Variants in KLHL5 observed in about 807,000 individuals in gnomAD.
The protein encoded by KLHL5 is kelch like family member 5.
In KLHL5, 48 loss-of-function variants were observed where a neutral mutation model predicts 77.7. That is an observed-to-expected ratio of 0.62 (90% CI 0.49 to 0.79). The LOEUF is 0.79. Ranked by LOEUF, KLHL5 falls within the 30% of genes least tolerant of loss-of-function variation. KLHL5 has a pLI of 0.00. For synonymous variants in KLHL5, 260 were observed against 297.0 expected, an observed-to-expected ratio of 0.88 and a Z score of 1.28; for missense variants, 723 against 859.7, an observed-to-expected ratio of 0.84 and a Z score of 1.99.
At chr4:39,049,743 T>G (rs1439344817) in intron 1 of KLHL5, among the ~76,000 whole-genome samples, 2 of 150,156 alleles carry the variant, frequency 1.3e-5, no homozygotes, top group Admixed American at 1.3e-4. Flanking sequence ...TAAATGAAAG[T>G]GTATAAGGCA....
chr4:39,075,519 T>A (rs938830260), intron 1 of KLHL5, among the ~76,000 whole-genome samples: 3 of 152,192 alleles, frequency 2.0e-5, no homozygotes, highest in Admixed American at 1.3e-4. Flanking sequence ...TAACACTGTT[T>A]TTATGACAAT....
At chr4:39,044,830 C>T (rs1577609348), upstream of KLHL5, 1 of 442,352 alleles carries the variant, frequency 2.3e-6, no homozygotes, top group Non-Finnish European at 3.0e-6. Context: ...ACGGGCTAAC[C>T]GGTCCCCTAC....
chr4:39,114,984 T>C (rs768447933), intron 9 of KLHL5, among the ~76,000 whole-genome samples, 175 bp from the exon 10 acceptor site: 2 of 152,240 alleles, frequency 1.3e-5, no homozygotes, highest in Non-Finnish European at 2.9e-5. Context: ...TCTATTAATA[T>C]AATACTGTAA....
Position 39,126,060 on chromosome 4 carries a change from G to T in KLHL5, c.*4994G>T, listed in dbSNP as rs1021660651. Among the ~76,000 whole-genome samples the T allele has an allele frequency of 1.3e-5, 2 of 152,082 alleles. No individual in the cohort carries two copies. Among genetic ancestry groups the T allele is most frequent in the African/African-American group, 4.8e-5 (2 of 41,412 alleles). ...GGGAGTGAGAAACAACGAGAACCAT[G>T]AGGGGAGAGTTAACGGGGAACTTCC... On this transcript the variant is annotated 3_prime_UTR_variant, in exon 11 of 11. Coordinates refer to ENST00000504108, the MANE Select transcript of KLHL5 (RefSeq NM_015990.5).
chr4:39,070,325 A>T lies in KLHL5; in HGVS notation c.384-5640A>T, dbSNP rs535621703. ...TGGATAGGAAAAAACAATGTCCACT[A>T]CACAGTTCTCCAGGCCATTAAATAT... On this transcript the variant is annotated intron_variant, in intron 1 of 10. Transcript: ENST00000504108. Among the ~76,000 whole-genome samples the T allele has an allele frequency of 4.6e-5, 7 of 152,316 alleles. No homozygotes were observed. In the South Asian group the frequency reaches 1.4e-3, roughly 32 times the overall value.
At chr4:39,097,956 C>A (rs1721212240) in intron 6 of KLHL5, among the ~76,000 whole-genome samples, 1 of 151,606 alleles carries the variant, frequency 6.6e-6, no homozygotes, top group South Asian at 2.1e-4. Flanking sequence ...TATGGTGAAA[C>A]CCCATCTCTA....
upstream of KLHL5, among the ~76,000 whole-genome samples, chr4:39,058,214 A>G (rs1717131654): frequency 6.6e-6 from 1 of 152,192 alleles, no homozygotes. Flanking sequence ...AAGTGTGTCC[A>G]TTTGAAAAGA....
intron 1 of KLHL5, among the ~76,000 whole-genome samples, chr4:39,055,779 GTA>G (rs1365853022): frequency 6.6e-6 from 1 of 152,096 alleles, no homozygotes; most frequent in Non-Finnish European, 1.5e-5. Context: ...CATTCTGTGT[GTA>G]TCTTCGTCAT....
intron 1 of KLHL5, 113 bp downstream of exon 1, chr4:39,063,148 CAT>C: frequency 1.2e-5 from 8 of 682,992 alleles, no homozygotes; most frequent in African/African-American, 1.8e-5. Flanking sequence ...CATCTGCATA[CAT>C]ATATATAATA....
rs143476236 is a variant in KLHL5 at position 39,062,515 on chromosome 4, A to G, written c.-138A>G. On this transcript the variant is annotated 5_prime_UTR_variant, in exon 1 of 11. The change creates a new upstream start codon in the 5' untranslated region. Transcript: ENST00000504108. ...CATAAAAGTAATTGTAGATATATAT[A>G]TGAATGTGATTTATTTTCCTTTACA... The G allele has an allele frequency of 2.1e-5, 34 of 1,603,376 alleles. No individual in the cohort carries two copies. Among genetic ancestry groups the G allele is most frequent in the African/African-American group, 1.7e-4 (13 of 74,606 alleles).
chr4:39,108,197 G>C (rs1230800154), intron 8 of KLHL5, among the ~76,000 whole-genome samples: 2 of 151,912 alleles, frequency 1.3e-5, no homozygotes, highest in Non-Finnish European at 2.9e-5. Context: ...GTGAAAACTA[G>C]AATGGATTTA....
Position 39,086,630 on chromosome 4 carries a change from A to G in KLHL5, c.1016A>G (p.Asn339Ser), listed in dbSNP as rs1473772421. ...ATTCCTAATGAGGAGACAATATTGA[A>G]TGCACTTCTTACTTGGGTCCGTCAT... ...MNIPNEETILNALLTWVRHDL... is the reference protein window; with the variant it reads ...MNIPNEETILSALLTWVRHDL... The change falls in exon 5 of 11, where the codon AAT becomes AGT. Residue 339 changes from asparagine to serine, a missense_variant. Around this residue, in one of 3 missense-constraint regions of KLHL5, gnomAD observed 288 missense variants for 400.3 expected, o/e 0.72. Coordinates refer to ENST00000504108, the MANE Select transcript of KLHL5 (RefSeq NM_015990.5). 6.2e-7 allele frequency: 1 copy of G among 1,613,996 alleles called. No individual in the cohort carries two copies. Among genetic ancestry groups the G allele is most frequent in the Admixed American group, 1.7e-5 (1 of 59,984 alleles).
chr4:39,079,827 A>AAATG (rs529516918), intron 2 of KLHL5, among the ~76,000 whole-genome samples: 80 of 152,300 alleles, frequency 5.3e-4, no homozygotes, highest in African/African-American at 1.3e-3. Context: ...TTTGTTCATT[A>AAATG]AATGAATGAA....
chr4:39,078,864 C>G (rs1719342952), intron 2 of KLHL5, among the ~76,000 whole-genome samples: 1 of 151,776 alleles, frequency 6.6e-6, no homozygotes, highest in South Asian at 2.1e-4. Context: ...ATTCATGTAA[C>G]AAAACACCAC....
At chr4:39,131,049 C>G (rs1723784444), downstream of KLHL5, among the ~76,000 whole-genome samples, 1 of 141,846 alleles carries the variant, frequency 7.0e-6, no homozygotes, top group African/African-American at 2.6e-5. Flanking sequence ...GATAGCATAT[C>G]ACCATGTTGG....
chr4:39,124,775 T>C lies in KLHL5; in HGVS notation c.*3709T>C, dbSNP rs979510963. 4.7e-4 allele frequency among the ~76,000 whole-genome samples: 50 copies of C among 105,662 alleles called. No homozygotes were observed. In the East Asian group the frequency reaches 0.012, roughly 26 times the overall value. The allele number at this position is 105,662 out of a possible 152,430, so 69.3% of individuals were successfully genotyped here. On this transcript the variant is annotated 3_prime_UTR_variant, in exon 11 of 11. Transcript: ENST00000504108. ...GGATTTGGCAATGGTTTCTTAGATA[T>C]GGCACCAAAAGCACAAGCAACAACA...
At chr4:39,133,905 T>G in the KLHL5 span, 1 of 152,196 alleles carries the variant, frequency 6.6e-6, no homozygotes, top group African/African-American at 2.4e-5. Context: ...CTATATCTTT[T>G]TCTTGACATT....
chr4:39,090,334 G>T (rs1324845040), intron 5 of KLHL5, among the ~76,000 whole-genome samples: 3 of 151,934 alleles, frequency 2.0e-5, no homozygotes, highest in Non-Finnish European at 4.4e-5. Flanking sequence ...AGCTAGAAGG[G>T]ATTCAACTTA....
chr4:39,078,920 A>T (rs970437387), intron 2 of KLHL5, among the ~76,000 whole-genome samples: 1 of 149,000 alleles, frequency 6.7e-6, no homozygotes, highest in Admixed American at 6.7e-5. Context: ...AAATAAAAAA[A>T]CCTTCCAAAG....
Sources: gnomAD v4.1 joint callset for allele counts (sites outside exome capture counted in the v4.1 genomes callset) on GRCh38, gnomAD v4.1.1 for gene constraint, gnomAD v4.1.1 regional missense constraint, MANE v1.5 for transcripts, NCBI Gene and HGNC (gene_info 2026-07-23, HGNC 2026-07-21) for gene names.